Variants in BMPR1B observed in about 807,000 individuals in gnomAD.
BMPR1B encodes bone morphogenetic protein receptor type 1B.
In BMPR1B, 12 loss-of-function variants were observed where a neutral mutation model predicts 59.1. That is an observed-to-expected ratio of 0.20 (90% CI 0.13 to 0.33). BMPR1B has a LOEUF of 0.33. Ranked by LOEUF, BMPR1B falls within the 10% of genes least tolerant of loss-of-function variation. The pLI is 1.00. For synonymous variants in BMPR1B, 237 were observed against 207.3 expected, an observed-to-expected ratio of 1.14 and a Z score of -1.23; for missense variants, 550 against 610.9, an observed-to-expected ratio of 0.90 and a Z score of 1.05.
At chr4:94,826,716 T>C (rs1442687315) in intron 1 of BMPR1B, among the ~76,000 whole-genome samples, 1 of 152,054 alleles carries the variant, frequency 6.6e-6, no homozygotes, top group Non-Finnish European at 1.5e-5. Flanking sequence ...TATTAGTAAT[T>C]TAGGAAACAT....
chr4:95,044,122 A>G (rs988382543), intron 3 of BMPR1B, among the ~76,000 whole-genome samples: 4 of 152,374 alleles, frequency 2.6e-5, no homozygotes, highest in Non-Finnish European at 5.9e-5. Flanking sequence ...GACCTGGTTT[A>G]TAACAAAAGT....
intron 2 of BMPR1B, among the ~76,000 whole-genome samples, chr4:94,975,519 T>C (rs1045725463): frequency 1.3e-5 from 2 of 150,824 alleles, no homozygotes; most frequent in Non-Finnish European, 2.9e-5. Flanking sequence ...TGCGCCACCA[T>C]GCCTGGCTAA....
chr4:94,896,517 G>T (rs967313436), intron 2 of BMPR1B, among the ~76,000 whole-genome samples: 15 of 151,744 alleles, frequency 9.9e-5, no homozygotes, highest in Admixed American at 9.9e-4. Flanking sequence ...GTTAATGCTG[G>T]GAACTTCTCA....
At chr4:95,148,156 C>T (rs948093058) in intron 10 of BMPR1B, among the ~76,000 whole-genome samples, 1 of 152,166 alleles carries the variant, frequency 6.6e-6, no homozygotes, top group African/African-American at 2.4e-5. Context: ...TTGGTTCTCT[C>T]CTTCTCCCCT....
chr4:95,128,024 T>C (rs1442352443), intron 8 of BMPR1B, among the ~76,000 whole-genome samples: 1 of 151,844 alleles, frequency 6.6e-6, no homozygotes, highest in African/African-American at 2.4e-5. Flanking sequence ...AGCTTGTCAC[T>C]ACGGGTGTGT....
intron 1 of BMPR1B, among the ~76,000 whole-genome samples, chr4:94,771,363 A>T (rs1032864547): frequency 4.6e-5 from 7 of 152,180 alleles, no homozygotes; most frequent in African/African-American, 1.4e-4. Context: ...CAGATATTAT[A>T]CTGGTTATTG....
intron 2 of BMPR1B, among the ~76,000 whole-genome samples, chr4:94,952,115 A>G (rs1215455447): frequency 6.6e-6 from 1 of 151,968 alleles, no homozygotes; most frequent in Non-Finnish European, 1.5e-5. Flanking sequence ...CCCCTTTATC[A>G]TTTTTTAATT....
chr4:95,035,646 T>A (rs1031647097), intron 3 of BMPR1B, among the ~76,000 whole-genome samples: 1 of 152,186 alleles, frequency 6.6e-6, no homozygotes, highest in Non-Finnish European at 1.5e-5. Context: ...TATGTGCCTG[T>A]TTTTATATCA....
intron 4 of BMPR1B, among the ~76,000 whole-genome samples, chr4:95,113,622 C>T (rs1003450214): frequency 6.6e-6 from 1 of 152,160 alleles, no homozygotes; most frequent in Non-Finnish European, 1.5e-5. Flanking sequence ...TTAAGACATT[C>T]AGTGCTGGTT....
At chr4:95,006,333 A>G (rs1374360097) in intron 3 of BMPR1B, among the ~76,000 whole-genome samples, 2 of 150,228 alleles carry the variant, frequency 1.3e-5, no homozygotes, top group Non-Finnish European at 3.0e-5. Context: ...TCATGAGATC[A>G]GGAGTACGAG....
intron 9 of BMPR1B, among the ~76,000 whole-genome samples, chr4:95,130,746 T>TTTTTTC (rs1733284578): frequency 7.4e-6 from 1 of 134,294 alleles, no homozygotes; most frequent in Non-Finnish European, 1.6e-5. Context: ...TTTTTTTTTT[T>TTTTTTC]TTGAGATAAA....
chr4:95,100,425 C>T (rs1730734682), intron 3 of BMPR1B, among the ~76,000 whole-genome samples: 1 of 152,036 alleles, frequency 6.6e-6, no homozygotes, highest in African/African-American at 2.4e-5. Context: ...AAGTTCAATG[C>T]CATACTTATT....
chr4:95,135,687 G>A (rs1733722862), intron 10 of BMPR1B, among the ~76,000 whole-genome samples: 1 of 152,192 alleles, frequency 6.6e-6, no homozygotes, highest in Non-Finnish European at 1.5e-5. Flanking sequence ...GTATAAGAAT[G>A]CTTGTGATTT....
chr4:94,926,434 G>A (rs557053908), intron 2 of BMPR1B, among the ~76,000 whole-genome samples: 84 of 152,114 alleles, frequency 5.5e-4, no homozygotes, highest in African/African-American at 1.6e-3. Context: ...TTAAATTCAA[G>A]ATGTTTAGAT....
At chr4:94,876,688 T>A (rs1250489420) in intron 2 of BMPR1B, among the ~76,000 whole-genome samples, 1 of 152,202 alleles carries the variant, frequency 6.6e-6, no homozygotes, top group Non-Finnish European at 1.5e-5. Flanking sequence ...AGTGCTATAC[T>A]GAAAACCGAT....
chr4:95,063,718 A>G (rs945818645), intron 3 of BMPR1B, among the ~76,000 whole-genome samples: 27 of 152,302 alleles, frequency 1.8e-4, no homozygotes, highest in African/African-American at 6.3e-4. Context: ...ACAGACAGGC[A>G]AAAGGACACC....
In BMPR1B at chr4:94,798,049, A is replaced by T. The variant is rs1723262917; in HGVS notation, c.-183+39981A>T. On this transcript the variant is annotated intron_variant, in intron 1 of 12. Transcript: ENST00000515059. ...AGATCTACCATTGTGTTTACCACTTACAGCATTTGTGATTATTATTTTGTT... is the reference window on the plus strand; with the variant it reads ...AGATCTACCATTGTGTTTACCACTTTCAGCATTTGTGATTATTATTTTGTT... 2.0e-5 allele frequency among the ~76,000 whole-genome samples: 3 copies of T among 152,208 alleles called. No individual in the cohort carries two copies. The South Asian group carries it at 6.2e-4, about 32-fold the overall frequency.
chr4:95,051,324 T>C (rs1726483893), intron 3 of BMPR1B, among the ~76,000 whole-genome samples: 1 of 152,244 alleles, frequency 6.6e-6, no homozygotes, highest in South Asian at 2.1e-4. Context: ...GCGTTTTAAA[T>C]GAGGTTTGCT....
chr4:94,980,753 A>G (rs2149087084), intron 2 of BMPR1B, among the ~76,000 whole-genome samples: 1 of 152,304 alleles, frequency 6.6e-6, no homozygotes. Context: ...TGAATGAATG[A>G]ATACAAATCA....
Sources: allele counts gnomAD v4.1 joint callset (sites outside exome capture counted in the v4.1 genomes callset), GRCh38; gene constraint gnomAD v4.1.1; transcripts MANE v1.5; gene names NCBI Gene and HGNC (gene_info 2026-07-23, HGNC 2026-07-21).